Variants in APBB2 observed in about 807,000 individuals in gnomAD.
The protein encoded by APBB2 is Fe65-like 1.
APBB2 carries 38 observed loss-of-function variants against 82.5 expected under a neutral mutation model. The ratio of observed to expected loss-of-function variants is 0.46; its 90% CI spans 0.36 to 0.60. The LOEUF (loss-of-function observed/expected upper bound fraction) is 0.60, where lower values mean the gene tolerates loss of function less well. Among genes scored for constraint, APBB2 ranks in the 20% least tolerant of loss-of-function variants. The probability of loss-of-function intolerance (pLI) is 0.00; values close to 1 mark genes in which losing one functional copy is unlikely to be tolerated. For missense variants in APBB2, 772 were observed against 972.3 expected, an observed-to-expected ratio of 0.79 and a Z score of 2.74; for synonymous variants, 341 against 368.2, an observed-to-expected ratio of 0.93 and a Z score of 0.85.
intron 6 of APBB2, among the ~76,000 whole-genome samples, chr4:40,952,713 CA>C (rs1790537443): frequency 6.6e-6 from 1 of 152,216 alleles, no homozygotes; most frequent in South Asian, 2.1e-4. Flanking sequence ...ATGCTCACAT[CA>C]ATCCCAGCTA....
chr4:40,817,652 A>G (rs1029931227), intron 17 of APBB2, among the ~76,000 whole-genome samples: 6 of 152,150 alleles, frequency 3.9e-5, no homozygotes, highest in African/African-American at 1.4e-4. Context: ...ACGTATACCA[A>G]GGAAGGACTG....
intron 12 of APBB2, 96 bp downstream of exon 12, chr4:40,890,268 T>C: frequency 1.4e-6 from 2 of 1,471,698 alleles, no homozygotes; most frequent in East Asian, 2.4e-5. Context: ...TACATGAGTT[T>C]CGTATTCCGT....
intron 10 of APBB2, among the ~76,000 whole-genome samples, chr4:40,925,837 T>C (rs1216405807): frequency 4.6e-5 from 7 of 152,148 alleles, no homozygotes; most frequent in Non-Finnish European, 8.8e-5. Flanking sequence ...TCTATGCTAA[T>C]AGGAACCAAG....
chr4:41,074,878 G>A (rs550901031), intron 3 of APBB2, among the ~76,000 whole-genome samples: 41 of 152,242 alleles, frequency 2.7e-4, no homozygotes, highest in Non-Finnish European at 5.3e-4. Flanking sequence ...GCCCAGCATG[G>A]TGGCTCATGC....
chr4:40,846,698 G>A (rs1354423809), intron 12 of APBB2, among the ~76,000 whole-genome samples: 2 of 152,162 alleles, frequency 1.3e-5, no homozygotes, highest in Admixed American at 6.6e-5. Flanking sequence ...ACTTAGAAGT[G>A]TAAAGCCAGG....
chr4:40,984,497 G>A (rs1453260983), intron 6 of APBB2, among the ~76,000 whole-genome samples: 1 of 151,974 alleles, frequency 6.6e-6, no homozygotes, highest in Admixed American at 6.6e-5. Flanking sequence ...AGGGTGGGGG[G>A]TCAGGGAGGT....
intron 1 of APBB2, among the ~76,000 whole-genome samples, chr4:41,181,711 C>T (rs747200801): frequency 3.3e-5 from 5 of 151,924 alleles, no homozygotes; most frequent in African/African-American, 7.3e-5. Flanking sequence ...TTTGGGAGGC[C>T]GAGGAGAGTG....
At chr4:41,196,428 A>T in intron 1 of APBB2, among the ~76,000 whole-genome samples, 1 of 152,182 alleles carries the variant, frequency 6.6e-6, no homozygotes, top group Non-Finnish European at 1.5e-5. Context: ...GCCACTTATT[A>T]TCGCAAAGAT....
intron 5 of APBB2, among the ~76,000 whole-genome samples, chr4:41,018,383 G>C (rs919507592): frequency 1.3e-5 from 2 of 152,192 alleles, no homozygotes; most frequent in African/African-American, 4.8e-5. Flanking sequence ...GAATAAGTGG[G>C]CTACTCACCT....
At chr4:40,922,680 G>A (rs748512163) in intron 10 of APBB2, among the ~76,000 whole-genome samples, 22 of 151,990 alleles carry the variant, frequency 1.4e-4, no homozygotes, top group Non-Finnish European at 2.6e-4. Flanking sequence ...GCGCAATCTC[G>A]GCTCTGTGCA....
intron 4 of APBB2, among the ~76,000 whole-genome samples, chr4:41,050,081 C>T (rs1033500497): frequency 2.0e-5 from 3 of 151,834 alleles, no homozygotes; most frequent in South Asian, 2.1e-4. Flanking sequence ...CCTGCCAAAT[C>T]CCCCTCTGCG....
At chr4:41,088,239 G>A (rs1227888928) in intron 3 of APBB2, among the ~76,000 whole-genome samples, 2 of 152,050 alleles carry the variant, frequency 1.3e-5, no homozygotes, top group Non-Finnish European at 2.9e-5. Flanking sequence ...TTCTCTAATC[G>A]AACTCCTGAG....
intron 12 of APBB2, among the ~76,000 whole-genome samples, chr4:40,871,508 A>G (rs993488325): frequency 1.3e-4 from 20 of 152,214 alleles, no homozygotes; most frequent in Admixed American, 6.5e-5. Flanking sequence ...AGGTAATTGG[A>G]GTGTCCATAT....
intron 6 of APBB2, among the ~76,000 whole-genome samples, chr4:40,961,667 TAAAAAAAAAAAAAAAAAA>T (rs60942744): frequency 2.3e-3 from 155 of 68,254 alleles, no homozygotes; most frequent in African/African-American, 8.8e-3. Context: ...AAAAAAGATG[TAAAAAAAAAAAAAAAAAA>T]AAAAAAAAAA....
rs904795238 is a variant in APBB2, at chr4:40,815,970, A to C, written c.*122T>G. 1 of 1,094,338 alleles carries C rather than the reference A, an allele frequency of 9.1e-7. No individual in the cohort carries two copies. The highest frequency in any genetic ancestry group is 1.6e-5 in the African/African-American group (1 of 63,724). The allele number at this position is 1,094,338 out of a possible 1,614,324, so 67.8% of individuals were successfully genotyped here. A position where few individuals can be genotyped will look rare whatever the true frequency, so the allele number is the denominator to read the frequency against. The stretch of plus-strand genomic sequence containing the variant: ...ATGCTTGTCTAACACTGCTTGGTTA[A>C]GGGTAAATTCTCTGAAGACAAAGCA... On this transcript the variant is annotated 3_prime_UTR_variant, in exon 18 of 18. Transcript: ENST00000508593.
chr4:41,135,755 CT>C (rs1757389917), intron 2 of APBB2, among the ~76,000 whole-genome samples: 1 of 152,176 alleles, frequency 6.6e-6, no homozygotes, highest in Non-Finnish European at 1.5e-5. Flanking sequence ...ATTCCAAACT[CT>C]GTTAATGTAT....
intron 12 of APBB2, among the ~76,000 whole-genome samples, chr4:40,862,464 C>T (rs1159872900): frequency 6.6e-6 from 1 of 152,224 alleles, no homozygotes; most frequent in Non-Finnish European, 1.5e-5. Context: ...ACTATTTTAA[C>T]ATCCATTTGT....
chr4:41,006,640 A>G (rs1806829324), intron 6 of APBB2, among the ~76,000 whole-genome samples: 1 of 151,858 alleles, frequency 6.6e-6, no homozygotes. Flanking sequence ...ATTGTTTTGT[A>G]TTTTTAGTAG....
chr4:40,847,771 T>C (rs1018962538), intron 12 of APBB2, among the ~76,000 whole-genome samples: 2 of 152,028 alleles, frequency 1.3e-5, no homozygotes, highest in African/African-American at 4.8e-5. Flanking sequence ...AGCCAATACA[T>C]ATGGCCTTCA....
Sources: allele counts gnomAD v4.1 joint callset (sites outside exome capture counted in the v4.1 genomes callset), GRCh38; gene constraint gnomAD v4.1.1; transcripts MANE v1.5; gene names NCBI Gene and HGNC (gene_info 2026-07-23, HGNC 2026-07-21).